SS18L1: variants seen among roughly 807,000 people sequenced by gnomAD.
The protein encoded by SS18L1 is calcium-responsive transactivator.
SS18L1 carries 32 observed loss-of-function variants against 70.3 expected under a neutral mutation model. The observed-to-expected ratio is 0.46, with a 90% CI of 0.34 to 0.61. The LOEUF (loss-of-function observed/expected upper bound fraction) is 0.61. SS18L1 is among the 20% of genes least tolerant of loss of function. The pLI, the probability that SS18L1 is intolerant of heterozygous loss-of-function variation, is 0.01. For synonymous variants in SS18L1, 237 were observed against 229.7 expected, an observed-to-expected ratio of 1.03 and a Z score of -0.29; for missense variants, 430 against 542.1, an observed-to-expected ratio of 0.79 and a Z score of 2.05.
At chr20:62,157,961 G>A (rs985464832) in intron 1 of SS18L1, among the ~76,000 whole-genome samples, 4 of 152,152 alleles carry the variant, frequency 2.6e-5, no homozygotes, top group African/African-American at 9.7e-5. Flanking sequence ...CGCGGTTGGT[G>A]CAGCCCCTGC....
chr20:62,148,192 C>T (rs113267024), intron 1 of SS18L1, among the ~76,000 whole-genome samples: 3 of 152,244 alleles, frequency 2.0e-5, no homozygotes, highest in Admixed American at 6.5e-5. Flanking sequence ...GGCTCAGCCC[C>T]GGGGAGGGAC....
rs34708339 is a variant in SS18L1 at position 62,150,633 on chromosome 20, A to ATTTTTT, written c.69+6776_69+6781dup. On this transcript the variant is annotated intron_variant, in intron 1 of 10. Transcript: ENST00000331758. ...CGGAGCATAAGAAACATTGAGGTGG[A>ATTTTTT]TTTTTTTTTTTTTTTTTTTTTTTTT... 5.9e-4 allele frequency among the ~76,000 whole-genome samples: 34 copies of ATTTTTT among 58,048 alleles called. 9 individuals are homozygous for ATTTTTT. Among genetic ancestry groups the ATTTTTT allele is most frequent in the East Asian group, 3.9e-3 (5 of 1,288 alleles). 38.1% of individuals were successfully genotyped at this position (58,048 alleles called of 152,430 possible).
chr20:62,150,693 G>T (rs957074729), intron 1 of SS18L1, among the ~76,000 whole-genome samples: 1 of 110,732 alleles, frequency 9.0e-6, no homozygotes. Context: ...TTGCTCTTTC[G>T]CCCAGGCTGA....
intron 8 of SS18L1, among the ~76,000 whole-genome samples, chr20:62,170,965 G>A (rs1436387538): frequency 1.3e-5 from 2 of 151,524 alleles, no homozygotes; most frequent in African/African-American, 4.9e-5. Flanking sequence ...GCAGTGATGC[G>A]ATCTCGGCTC....
At chr20:62,172,573 A>G (rs2057550670) in intron 8 of SS18L1, 109 bp from the exon 9 acceptor site, 3 of 1,521,336 alleles carry the variant, frequency 2.0e-6, no homozygotes, top group Non-Finnish European at 2.7e-6. Flanking sequence ...TGCCGAAGCA[A>G]TGGATTTGGT....
At chr20:62,157,577 CAG>C (rs1323075769) in intron 1 of SS18L1, among the ~76,000 whole-genome samples, 2 of 152,356 alleles carry the variant, frequency 1.3e-5, no homozygotes, top group East Asian at 3.9e-4. Flanking sequence ...GTGGCGCCTG[CAG>C]AGAGACCCCT....
rs941064793 is a variant in SS18L1 at position 62,161,225 on chromosome 20, G to A, written c.232-211G>A. Among the ~76,000 whole-genome samples the A allele has an allele frequency of 8.6e-5, 13 of 150,498 alleles. No homozygotes were observed. Among genetic ancestry groups the A allele is most frequent in the Non-Finnish European group, 1.3e-4 (9 of 67,772 alleles). ...CTTGATACTCAGTAGGGTTGTGAACGCTCACCCAGATGCTCACTCTGCCAT... is the reference window on the plus strand; with the variant it reads ...CTTGATACTCAGTAGGGTTGTGAACACTCACCCAGATGCTCACTCTGCCAT... On this transcript the variant is annotated intron_variant, in intron 3 of 10. Coordinates refer to ENST00000331758, the MANE Select transcript of SS18L1 (RefSeq NM_198935.3). The surrounding 1 kb of genome is among the most constrained non-coding windows in gnomAD (Gnocchi z 4.4).
intron 8 of SS18L1, among the ~76,000 whole-genome samples, chr20:62,168,755 A>G (rs2057478363): frequency 6.6e-6 from 1 of 152,140 alleles, no homozygotes. Context: ...TCGAAGCTGT[A>G]CTTAACTATG....
In SS18L1 at chr20:62,172,677, TC is replaced by T; in HGVS notation, c.917-3del. The stretch of plus-strand genomic sequence containing the variant: ...AGTCATTTCTGTGTCTCCTCCTCCC[TC>T]CAGGAAACTCCCAGTACAGCCAGCA... On this transcript the variant is annotated splice_region_variant and splice_polypyrimidine_tract_variant and intron_variant, in intron 8 of 10. Transcript: ENST00000331758. The T allele has an allele frequency of 6.2e-7, 1 of 1,614,112 alleles. No homozygotes were observed. The highest frequency in any genetic ancestry group is 8.5e-7 in the Non-Finnish European group (1 of 1,180,012).
Position 62,158,549 on chromosome 20 carries a change from C to T in SS18L1, c.70-123C>T. Reference sequence around the variant, plus strand: ...CCCCAAATCTGGAAAAATCTGAAATCTGACACGTTTCACGTAAGGGACGCT... The same window carrying T: ...CCCCAAATCTGGAAAAATCTGAAATTTGACACGTTTCACGTAAGGGACGCT... On this transcript the variant is annotated intron_variant, in intron 1 of 10. Coordinates refer to ENST00000331758, the MANE Select transcript of SS18L1 (RefSeq NM_198935.3). The surrounding 1 kb of genome is among the most constrained non-coding windows in gnomAD (Gnocchi z 4.5). 6.9e-7 allele frequency: 1 copy of T among 1,443,734 alleles called. No individual in the cohort carries two copies. Among genetic ancestry groups the T allele is most frequent in the Non-Finnish European group, 9.3e-7 (1 of 1,077,556 alleles). The allele number at this position is 1,443,734 out of a possible 1,614,324, so 89.4% of individuals were successfully genotyped here.
At chr20:62,171,678 C>T (rs1415619470) in intron 8 of SS18L1, among the ~76,000 whole-genome samples, 1 of 152,180 alleles carries the variant, frequency 6.6e-6, no homozygotes, top group Non-Finnish European at 1.5e-5. Flanking sequence ...AATTTTACAG[C>T]TTCTAAAAAA....
rs149262730 is a variant in SS18L1, at chr20:62,166,477, T to C, written c.916+963T>C. Among the ~76,000 whole-genome samples, 906 of 152,328 alleles carry C rather than the reference T, an allele frequency of 5.9e-3. 4 individuals carry two copies. The highest frequency in any genetic ancestry group is 8.4e-3 in the Non-Finnish European group (573 of 68,036). Reference sequence around the variant, plus strand: ...AAGGTTTTGCTTCTGAGCTTACACATCTCAGCCTGCTGTGAAGAAATAAAG... The same window carrying C: ...AAGGTTTTGCTTCTGAGCTTACACACCTCAGCCTGCTGTGAAGAAATAAAG... On this transcript the variant is annotated intron_variant, in intron 8 of 10. Coordinates refer to ENST00000331758, the MANE Select transcript of SS18L1 (RefSeq NM_198935.3).
chr20:62,145,286 C>T (rs886664891), intron 1 of SS18L1, among the ~76,000 whole-genome samples: 69 of 150,168 alleles, frequency 4.6e-4, no homozygotes, highest in African/African-American at 1.6e-3. Context: ...CTAGGGAGGC[C>T]GTGCCTTGCT....
chr20:62,163,981 G>A (rs1287526458), intron 6 of SS18L1, among the ~76,000 whole-genome samples, 164 bp from the exon 7 acceptor site: 1 of 152,166 alleles, frequency 6.6e-6, no homozygotes. Context: ...GTGAAACTCT[G>A]TACTAAAAAT....
At chr20:62,151,542 G>T (rs2057130177) in intron 1 of SS18L1, among the ~76,000 whole-genome samples, 1 of 152,218 alleles carries the variant, frequency 6.6e-6, no homozygotes, top group African/African-American at 2.4e-5. Flanking sequence ...CAGAGAGGGA[G>T]TGGGAGGCCC....
At chr20:62,164,374 C>G (rs1432915208) in intron 7 of SS18L1, 128 bp downstream of exon 7, 5 of 1,031,012 alleles carry the variant, frequency 4.8e-6, no homozygotes, top group African/African-American at 1.6e-5. Flanking sequence ...CAGGCCTGGG[C>G]TACAGGCAGA....
rs559118100 is a variant in SS18L1 at position 62,159,401 on chromosome 20, G to C, written c.147-476G>C. ...GGGTGAAGGGACTGGGTCCCCACTGGTGCGAGGTATACGAGGGGCCTTCCC... is the reference window on the plus strand; with the variant it reads ...GGGTGAAGGGACTGGGTCCCCACTGCTGCGAGGTATACGAGGGGCCTTCCC... On this transcript the variant is annotated intron_variant, in intron 2 of 10. Coordinates refer to ENST00000331758, the MANE Select transcript of SS18L1 (RefSeq NM_198935.3). The surrounding 1 kb of genome is among the most constrained non-coding windows in gnomAD (Gnocchi z 4.4). Among the ~76,000 whole-genome samples, 28 of 152,280 alleles carry C rather than the reference G, an allele frequency of 1.8e-4. No homozygotes were observed. The highest frequency in any genetic ancestry group is 6.3e-4 in the African/African-American group (26 of 41,578).
intron 1 of SS18L1, among the ~76,000 whole-genome samples, chr20:62,146,906 A>G (rs1390952010): frequency 6.6e-6 from 1 of 151,882 alleles, no homozygotes; most frequent in Non-Finnish European, 1.5e-5. Context: ...GATTACAGGC[A>G]TGAGCCACCA....
intron 1 of SS18L1, among the ~76,000 whole-genome samples, chr20:62,152,463 C>T (rs553875077): frequency 6.6e-6 from 1 of 152,300 alleles, no homozygotes; most frequent in African/African-American, 2.4e-5. Flanking sequence ...CAGTGCTTTC[C>T]CGGTGGCGTC....
Sources: gnomAD v4.1 joint callset for allele counts (sites outside exome capture counted in the v4.1 genomes callset) on GRCh38, gnomAD v4.1.1 for gene constraint, Gnocchi (gnomAD v3.1) non-coding constraint, MANE v1.5 for transcripts, NCBI Gene and HGNC (gene_info 2026-07-23, HGNC 2026-07-21) for gene names.